CPQ: variants seen among roughly 807,000 people sequenced by gnomAD.
CPQ encodes carboxypeptidase Q, also known as Ser-Met dipeptidase.
CPQ carries 37 observed loss-of-function variants against 45.7 expected under a neutral mutation model. That is an observed-to-expected ratio of 0.81 (90% CI 0.62 to 1.07). The LOEUF (loss-of-function observed/expected upper bound fraction) is 1.07. Among genes scored for constraint, CPQ ranks in the 50% least tolerant of loss-of-function variants. The pLI, the probability that CPQ is intolerant of heterozygous loss-of-function variation, is 0.00. For missense variants in CPQ, 537 were observed against 572.9 expected (o/e 0.94, Z 0.64); for synonymous variants, 186 against 205.8 (o/e 0.90, Z 0.82).
intron 2 of CPQ, among the ~76,000 whole-genome samples, chr8:96,824,614 G>T (rs1031643231): frequency 6.6e-6 from 1 of 151,418 alleles, no homozygotes; most frequent in Non-Finnish European, 1.5e-5. Context: ...AATATGGCTC[G>T]GGGATTACAA....
intron 5 of CPQ, among the ~76,000 whole-genome samples, chr8:97,016,550 A>G (rs1052652262): frequency 1.3e-5 from 2 of 152,234 alleles, no homozygotes; most frequent in Non-Finnish European, 2.9e-5. Flanking sequence ...AAGGGAAATG[A>G]GTATCAGAAA....
intron 5 of CPQ, among the ~76,000 whole-genome samples, chr8:96,976,991 A>G (rs148608245): frequency 1.0e-3 from 159 of 152,274 alleles, no homozygotes; most frequent in Middle Eastern, 6.8e-3. Context: ...AAACAAAGAT[A>G]GACATATGGG....
intron 1 of CPQ, among the ~76,000 whole-genome samples, chr8:96,660,493 G>A (rs867411788): frequency 2.0e-4 from 31 of 152,224 alleles, no homozygotes; most frequent in South Asian, 6.2e-4. Flanking sequence ...CCATAACACC[G>A]ACTGTATCCC....
intron 7 of CPQ, among the ~76,000 whole-genome samples, chr8:97,083,317 T>G (rs1586532856): frequency 6.6e-6 from 1 of 152,174 alleles, no homozygotes; most frequent in East Asian, 1.9e-4. Flanking sequence ...AGAGGATGAC[T>G]GGGCATGTAC....
intron 4 of CPQ, among the ~76,000 whole-genome samples, chr8:96,896,160 A>G (rs1289419778): frequency 6.6e-6 from 1 of 152,134 alleles, no homozygotes; most frequent in African/African-American, 2.4e-5. Flanking sequence ...TTGTACAGAC[A>G]ATAGAGATGC....
At chr8:97,059,732 C>G (rs949108956) in intron 6 of CPQ, among the ~76,000 whole-genome samples, 1 of 152,176 alleles carries the variant, frequency 6.6e-6, no homozygotes, top group African/African-American at 2.4e-5. Context: ...TGCAGCAACT[C>G]AGCACACACA....
Position 96,965,943 on chromosome 8 carries a change from G to T in CPQ, c.858G>T (p.Leu286=), listed in dbSNP as rs780204368. 3 of 1,611,060 alleles carry T rather than the reference G, an allele frequency of 1.9e-6. No individual in the cohort carries two copies. The African/African-American group carries it at 4.0e-5, about 22-fold the overall frequency. ...TTTATTATTTGTTCTAGGTTGTACT[G>T]GTCAGTGGACATCTGGACAGCTGGG... is the stretch of plus-strand genomic sequence containing the variant. ...TGSKYPEQVV[L]VSGHLDSWDV... Residue 286 remains leucine, a synonymous_variant, in exon 5 of 8, where the codon CTG becomes CTT. Coordinates refer to ENST00000220763, the MANE Select transcript of CPQ (RefSeq NM_016134.4).
intron 5 of CPQ, among the ~76,000 whole-genome samples, chr8:97,003,511 C>T (rs1358200141): frequency 6.6e-6 from 1 of 152,162 alleles, no homozygotes; most frequent in Non-Finnish European, 1.5e-5. Flanking sequence ...TTGACTTATT[C>T]TTCAGCTGTA....
intron 5 of CPQ, among the ~76,000 whole-genome samples, chr8:97,020,801 G>A (rs1005331621): frequency 7.2e-5 from 11 of 152,002 alleles, no homozygotes; most frequent in African/African-American, 2.7e-4. Flanking sequence ...ATTCAAAGAA[G>A]AATTGGTACC....
intron 6 of CPQ, among the ~76,000 whole-genome samples, chr8:97,061,169 C>G (rs1810544170): frequency 6.6e-6 from 1 of 152,116 alleles, no homozygotes; most frequent in Admixed American, 6.6e-5. Flanking sequence ...TTACTGATAT[C>G]TACACATCCT....
chr8:96,891,234 A>G (rs1286215268), intron 4 of CPQ, among the ~76,000 whole-genome samples: 3 of 152,236 alleles, frequency 2.0e-5, no homozygotes, highest in Non-Finnish European at 2.9e-5. Context: ...TAGTCTTGGC[A>G]GAAGCATTGC....
At chr8:97,109,153 C>T (rs1324844596) in intron 7 of CPQ, among the ~76,000 whole-genome samples, 1 of 152,154 alleles carries the variant, frequency 6.6e-6, no homozygotes, top group East Asian at 1.9e-4. Flanking sequence ...CTTCACTGGC[C>T]CTGCTCCATC....
At position 96,928,297 on chromosome 8, in the gene CPQ, T is replaced by C. The variant is rs192353181; in HGVS notation, c.850-37638T>C. 6.6e-5 allele frequency among the ~76,000 whole-genome samples: 10 copies of C among 151,908 alleles called. No individual in the cohort carries two copies. The East Asian group carries it at 1.6e-3, about 24-fold the overall frequency. On this transcript the variant is annotated intron_variant, in intron 4 of 7. Coordinates refer to ENST00000220763, the MANE Select transcript of CPQ (RefSeq NM_016134.4). ...GCAATTAAATTAAATGGAGTTAACA[T>C]TGGCATGGTAGCATAAATCAAACGT...
intron 2 of CPQ, among the ~76,000 whole-genome samples, chr8:96,817,168 G>C (rs1263781186): frequency 6.6e-6 from 1 of 152,114 alleles, no homozygotes; most frequent in Non-Finnish European, 1.5e-5. Flanking sequence ...TCAGCGTAGT[G>C]ACATACCTCA....
At chr8:96,934,888 A>G (rs886513221) in intron 4 of CPQ, among the ~76,000 whole-genome samples, 3 of 152,222 alleles carry the variant, frequency 2.0e-5, no homozygotes, top group Non-Finnish European at 4.4e-5. Flanking sequence ...GAGACAGATC[A>G]TCACGGTCTC....
At chr8:97,072,557 T>G (rs1453291224) in intron 7 of CPQ, among the ~76,000 whole-genome samples, 1 of 152,178 alleles carries the variant, frequency 6.6e-6, no homozygotes, top group African/African-American at 2.4e-5. Flanking sequence ...CGCTGTTTGC[T>G]GATGATATGA....
At chr8:96,992,215 T>C (rs1381653158) in intron 5 of CPQ, among the ~76,000 whole-genome samples, 1 of 152,220 alleles carries the variant, frequency 6.6e-6, no homozygotes, top group Non-Finnish European at 1.5e-5. Flanking sequence ...ATAATTCCAA[T>C]GGTACTGTAC....
At chr8:96,955,669 A>T (rs1365001300) in intron 4 of CPQ, among the ~76,000 whole-genome samples, 1 of 152,196 alleles carries the variant, frequency 6.6e-6, no homozygotes, top group Non-Finnish European at 1.5e-5. Flanking sequence ...CTGGTACCAA[A>T]ACAGAGAAAT....
At chr8:96,892,377 A>G (rs1358255105) in intron 4 of CPQ, among the ~76,000 whole-genome samples, 3 of 152,224 alleles carry the variant, frequency 2.0e-5, no homozygotes, top group Non-Finnish European at 4.4e-5. Flanking sequence ...TAGTGGGAAC[A>G]GCAGGTTATT....
Sources: gnomAD v4.1 joint callset for allele counts (sites outside exome capture counted in the v4.1 genomes callset) on GRCh38, gnomAD v4.1.1 for gene constraint, MANE v1.5 for transcripts, NCBI Gene and HGNC (gene_info 2026-07-23, HGNC 2026-07-21) for gene names.